FRMD4B: variants seen among roughly 807,000 people sequenced by gnomAD.
FRMD4B encodes FERM domain-containing protein 4B.
In FRMD4B, 74 loss-of-function variants were observed where a neutral mutation model predicts 141.5. The observed-to-expected ratio is 0.52, with a 90% CI of 0.43 to 0.63. The LOEUF (loss-of-function observed/expected upper bound fraction) is 0.63, where lower values mean the gene tolerates loss of function less well. FRMD4B is among the 30% of genes least tolerant of loss of function. The pLI is 0.00. For missense variants in FRMD4B, 1,366 were observed against 1,253.4 expected, an observed-to-expected ratio of 1.09 and a Z score of -1.36; for synonymous variants, 506 against 467.9, an observed-to-expected ratio of 1.08 and a Z score of -1.05.
At chr3:69,392,841 G>A (rs1471952099) in intron 2 of FRMD4B, among the ~76,000 whole-genome samples, 3 of 152,090 alleles carry the variant, frequency 2.0e-5, no homozygotes, top group Non-Finnish European at 4.4e-5. Context: ...AGGCCCGAGC[G>A]ACACAAGTTC....
intron 3 of FRMD4B, chr3:69,306,464 A>C (rs1701394404): frequency 6.6e-6 from 1 of 152,238 alleles, no homozygotes; most frequent in Non-Finnish European, 1.5e-5. Context: ...AAAACATGAG[A>C]AGGCAAAACA....
chr3:69,431,973 G>A (rs553274770), intron 2 of FRMD4B, among the ~76,000 whole-genome samples: 2 of 152,304 alleles, frequency 1.3e-5, no homozygotes, highest in South Asian at 2.1e-4. Context: ...GATCTCATCT[G>A]GTTGTGTTGC....
At chr3:69,467,734 A>G (rs999630558) in intron 1 of FRMD4B, among the ~76,000 whole-genome samples, 2 of 152,192 alleles carry the variant, frequency 1.3e-5, no homozygotes, top group African/African-American at 4.8e-5. Context: ...GAAGAAGAAT[A>G]TGACTAGTCT....
At chr3:69,415,744 G>T (rs144170538) in intron 2 of FRMD4B, among the ~76,000 whole-genome samples, 4 of 152,278 alleles carry the variant, frequency 2.6e-5, no homozygotes, top group African/African-American at 4.8e-5. Flanking sequence ...ATTTAATTTT[G>T]ATCTTTTCCA....
At chr3:69,343,823 G>A (rs1341173295) in intron 1 of FRMD4B, among the ~76,000 whole-genome samples, 1 of 151,732 alleles carries the variant, frequency 6.6e-6, no homozygotes, top group African/African-American at 2.4e-5. Context: ...CAAGTGATCT[G>A]CCCACCTCAG....
At chr3:69,417,034 T>C (rs538265866) in intron 2 of FRMD4B, among the ~76,000 whole-genome samples, 3 of 152,312 alleles carry the variant, frequency 2.0e-5, no homozygotes, top group South Asian at 2.1e-4. Flanking sequence ...GTCTTTATAG[T>C]AGAATGATTT....
intron 19 of FRMD4B, 146 bp downstream of exon 19, chr3:69,187,624 T>G: frequency 1.9e-6 from 1 of 515,154 alleles, no homozygotes; most frequent in Non-Finnish European, 3.3e-6. Context: ...CAAACTGGGT[T>G]AGTTTCTATG....
chr3:69,389,009 A>C (rs1575783486), upstream of FRMD4B, among the ~76,000 whole-genome samples: 1 of 145,660 alleles, frequency 6.9e-6, no homozygotes. Flanking sequence ...GACCCTCCCC[A>C]GTCTCCATTG....
intron 1 of FRMD4B, among the ~76,000 whole-genome samples, chr3:69,468,996 C>T (rs1307463242): frequency 6.6e-6 from 1 of 152,076 alleles, no homozygotes; most frequent in African/African-American, 2.4e-5. Flanking sequence ...ACAAAGACAC[C>T]CTAAAATACA....
intron 7 of FRMD4B, among the ~76,000 whole-genome samples, chr3:69,225,628 C>T (rs1380052892): frequency 3.1e-5 from 4 of 127,488 alleles, no homozygotes; most frequent in African/African-American, 6.0e-5. Context: ...CTGGGAAGCG[C>T]AGCTTGCAGT....
intron 1 of FRMD4B, among the ~76,000 whole-genome samples, chr3:69,382,727 CTTTTT>C (rs5849898): frequency 7.5e-6 from 1 of 133,106 alleles, no homozygotes; most frequent in South Asian, 2.5e-4. Context: ...TAAACTGGGA[CTTTTT>C]TTTTTTTTTT....
intron 4 of FRMD4B, among the ~76,000 whole-genome samples, chr3:69,299,520 C>T (rs560567692): frequency 7.9e-5 from 12 of 152,218 alleles, no homozygotes; most frequent in South Asian, 4.1e-4. Flanking sequence ...GGGCCAGGAA[C>T]GTGGAGTTGG....
chr3:69,330,277 CT>C (rs60162383), intron 1 of FRMD4B, among the ~76,000 whole-genome samples: 27,699 of 109,264 alleles, frequency 0.25, 4,823 homozygotes, highest in African/African-American at 0.52. Context: ...ACTCCTTTGT[CT>C]TTTTTTTTTT....
At chr3:69,247,815 A>T (rs2093434810) in intron 7 of FRMD4B, among the ~76,000 whole-genome samples, 1 of 152,052 alleles carries the variant, frequency 6.6e-6, no homozygotes, top group Non-Finnish European at 1.5e-5. Context: ...CACCCAGCTA[A>T]TTTTTTTGTA....
At chr3:69,526,226 C>T (rs1191886182) in intron 1 of FRMD4B, among the ~76,000 whole-genome samples, 4 of 152,208 alleles carry the variant, frequency 2.6e-5, no homozygotes, top group Non-Finnish European at 5.9e-5. Context: ...TTGGCTCCCT[C>T]GGATTTTTCC....
chr3:69,334,600 A>G (rs1702483116), intron 1 of FRMD4B: 1 of 152,142 alleles, frequency 6.6e-6, no homozygotes, highest in Non-Finnish European at 1.5e-5. Context: ...ACTGTCATCT[A>G]TAGACCCAGT....
intron 1 of FRMD4B, among the ~76,000 whole-genome samples, chr3:69,319,764 G>A (rs79489351): frequency 1.3e-5 from 2 of 152,104 alleles, no homozygotes; most frequent in African/African-American, 4.8e-5. Context: ...TTCATAAGTG[G>A]CAGAACCAGA....
chr3:69,336,659 A>G (rs951230260), intron 1 of FRMD4B: 1 of 152,452 alleles, frequency 6.6e-6, no homozygotes, highest in African/African-American at 2.4e-5. Flanking sequence ...AATACCCACA[A>G]TGGCTTGGCT....
rs138037396 is a variant in FRMD4B, at chr3:69,246,064, C to T, written c.581+3162G>A. On this transcript the variant is annotated intron_variant, in intron 7 of 22. Transcript: ENST00000398540. ...GTTGGCCAGGCTGGTCTCGAATTCC[C>T]GACCTCAGGTGATCCACCTGCCTCG... is the stretch of plus-strand genomic sequence containing the variant. Among the ~76,000 whole-genome samples the T allele has an allele frequency of 1.8e-3, 277 of 152,086 alleles. 3 individuals are homozygous for T. Among genetic ancestry groups the T allele is most frequent in the South Asian group, 6.4e-3 (31 of 4,818 alleles).
Sources: allele counts gnomAD v4.1 joint callset (sites outside exome capture counted in the v4.1 genomes callset), GRCh38; gene constraint gnomAD v4.1.1; transcripts MANE v1.5; gene names NCBI Gene and HGNC (gene_info 2026-07-23, HGNC 2026-07-21).